The following LSS variants were observed in gnomAD, a reference collection of about 807,000 sequenced individuals.
LSS encodes the protein 2,3-epoxysqualene-lanosterol cyclase.
A neutral mutation model predicts 110.3 loss-of-function variants in LSS; 90 were observed. The ratio of observed to expected loss-of-function variants is 0.82; its 90% confidence interval spans 0.69 to 0.97. The LOEUF (loss-of-function observed/expected upper bound fraction) is 0.97, where lower values mean the gene tolerates loss of function less well. Among genes scored for constraint, LSS ranks in the 50% least tolerant of loss-of-function variants. The probability of loss-of-function intolerance (pLI) is 0.00; values close to 1 mark genes in which losing one functional copy is unlikely to be tolerated. For synonymous variants in LSS, 433 were observed against 400.0 expected, an observed-to-expected ratio of 1.08 and a Z score of -0.98; for missense variants, 927 against 990.0, an observed-to-expected ratio of 0.94 and a Z score of 0.85.
intron 5 of LSS, 110 bp downstream of exon 5, chr21:46,221,744 C>T (rs1601448141): frequency 6.7e-7 from 1 of 1,495,282 alleles, no homozygotes; most frequent in South Asian, 1.2e-5. Flanking sequence ...TGCTCATGTG[C>T]TTTTGCCCAC....
At chr21:46,203,120 A>G (rs1227801750) in intron 17 of LSS, among the ~76,000 whole-genome samples, 2 of 152,244 alleles carry the variant, frequency 1.3e-5, no homozygotes, top group African/African-American at 4.8e-5. Context: ...TCACCAGGCC[A>G]GGTCAGACAG....
In LSS at chr21:46,216,243, G is replaced by C; in HGVS notation, c.783+146C>G. On this transcript the variant is annotated intron_variant, in intron 7 of 21. Coordinates refer to ENST00000397728, the MANE Select transcript of LSS (RefSeq NM_002340.6). The surrounding 1 kb of genome is among the most constrained non-coding windows in gnomAD (Gnocchi z 4.2). ...CTTGCTCACTGTTTATTATAGGATG[G>C]AGGAAGGTGGAGGCTCTGCTCCACA... 1.1e-6 allele frequency: 1 copy of C among 948,862 alleles called. No individual in the cohort carries two copies. The highest frequency in any genetic ancestry group is 1.6e-6 in the Non-Finnish European group (1 of 615,024). The allele number at this position is 948,862 out of a possible 1,614,324, so 58.8% of individuals were successfully genotyped here. A position where few individuals can be genotyped will look rare whatever the true frequency, so the allele number is the denominator to read the frequency against.
In LSS at chr21:46,206,754, T is replaced by G; in HGVS notation, c.1482A>C (p.Arg494Ser). The G allele has an allele frequency of 6.2e-7, 1 of 1,611,916 alleles. No individual in the cohort carries two copies. Among genetic ancestry groups the G allele is most frequent in the African/African-American group, 1.3e-5 (1 of 75,012 alleles). ...AGGTGGCGAACCCTCCATCTGGATT[T>G]CTCATGTTCAGCAGCTGAAATCACA... The part of the protein sequence containing the change: ...CDAVAVLLNM[R>S]NPDGGFATYE... The change falls in exon 16 of 22, where the codon AGA (arginine) becomes AGC (serine). Residue 494 changes from arginine (R) to serine (S), a missense_variant. Arg to Ser is a moderately radical substitution (Grantham distance 110, BLOSUM62 -1). Transcript: ENST00000397728.
Position 46,189,252 on chromosome 21 carries a change from T to C in LSS, c.*1852A>G, listed in dbSNP as rs2079770341. ...AAAACCGTTTTGTACAGTCTGACCA[T>C]GGCTAGGAGTCCCAGGGACAGCAGC... On this transcript the variant is annotated 3_prime_UTR_variant, in exon 22 of 22. Transcript: ENST00000397728. The C allele has an allele frequency of 2.2e-5, 5 of 225,976 alleles. No individual in the cohort carries two copies. The South Asian group carries it at 3.0e-4, about 14-fold the overall frequency. The allele number at this position is 225,976 out of a possible 1,614,324, so 14.0% of individuals were successfully genotyped here.
At chr21:46,225,864 G>A (rs1167202440) in intron 3 of LSS, among the ~76,000 whole-genome samples, 1 of 152,004 alleles carries the variant, frequency 6.6e-6, no homozygotes, top group Non-Finnish European at 1.5e-5. Flanking sequence ...TATCAGCGCA[G>A]CCTGGCATTC....
chr21:46,202,120 C>G (rs964992205), intron 17 of LSS, among the ~76,000 whole-genome samples: 4 of 135,952 alleles, frequency 2.9e-5, no homozygotes, highest in African/African-American at 1.1e-4. Flanking sequence ...ATAGGCCGGG[C>G]GCGGTGGCTC....
intron 17 of LSS, among the ~76,000 whole-genome samples, chr21:46,204,879 C>T (rs1490224423): frequency 6.6e-6 from 1 of 152,108 alleles, no homozygotes; most frequent in Non-Finnish European, 1.5e-5. Flanking sequence ...TATAGACCAG[C>T]GTCTCTTGTA....
intron 13 of LSS, among the ~76,000 whole-genome samples, chr21:46,208,777 GGCAGGA>G (rs1211369006): frequency 3.3e-5 from 5 of 152,190 alleles, no homozygotes; most frequent in African/African-American, 4.8e-5. Flanking sequence ...CTGGGCAGGA[GGCAGGA>G]GCAGGAGCAG....
chr21:46,207,337 G>A, intron 15 of LSS, 91 bp downstream of exon 15: 1 of 1,482,468 alleles, frequency 6.7e-7, no homozygotes, highest in Non-Finnish European at 9.2e-7. Flanking sequence ...CGGACTGTGT[G>A]CTGGGCTGGA....
chr21:46,222,380 A>G lies in LSS; in HGVS notation c.428+250T>C. 2 of 559,012 alleles carry G rather than the reference A, an allele frequency of 3.6e-6. 1 individual carries two copies. Among genetic ancestry groups the G allele is most frequent in the South Asian group, 4.5e-5 (2 of 44,444 alleles). The allele number at this position is 559,012 out of a possible 1,614,324, so 34.6% of individuals were successfully genotyped here. A position where few individuals can be genotyped will look rare whatever the true frequency, so the allele number is the denominator to read the frequency against. On this transcript the variant is annotated intron_variant, in intron 4 of 21. Transcript: ENST00000397728. ...CTGCCTTAAGTGATAACAGACTGAC[A>G]GTTTTCACATGTGGGTCTCAAGAGT...
chr21:46,201,837 G>A (rs117393766), intron 17 of LSS, among the ~76,000 whole-genome samples: 5,903 of 145,492 alleles, frequency 0.041, 159 homozygotes, highest in Non-Finnish European at 0.062. Context: ...TTGCACTCTC[G>A]CCTAGGCTGG....
chr21:46,206,828 G>T, intron 15 of LSS, 60 bp from the exon 16 acceptor site: 1 of 1,266,100 alleles, frequency 7.9e-7, no homozygotes, highest in Non-Finnish European at 1.1e-6. Context: ...CAGGCGCCCA[G>T]GGCACAGCGG....
rs1202346304 is a variant in LSS at position 46,190,850 on chromosome 21, C to T, written c.*254G>A. ...AGGCGCTGTGCCTCCTCAGGGGTCA[C>T]GGCTCCTGTGCCCCCTTCCTCACCC... On this transcript the variant is annotated 3_prime_UTR_variant, in exon 22 of 22. Transcript: ENST00000397728. This position sits in a 1 kb window ranked among gnomAD's most constrained non-coding sequence, Gnocchi z 4.6. 9 of 510,026 alleles carry T rather than the reference C, an allele frequency of 1.8e-5. 1 individual carries two copies. The highest frequency in any genetic ancestry group is 6.6e-5 in the African/African-American group (3 of 45,674). The allele number at this position is 510,026 out of a possible 1,614,324, so 31.6% of individuals were successfully genotyped here. A position where few individuals can be genotyped will look rare whatever the true frequency, so the allele number is the denominator to read the frequency against.
intron 11 of LSS, among the ~76,000 whole-genome samples, chr21:46,211,124 G>C (rs1402079436): frequency 6.6e-6 from 1 of 152,078 alleles, no homozygotes; most frequent in Admixed American, 6.5e-5. Flanking sequence ...GCCTGGAAAT[G>C]ACCCCATTTC....
Position 46,215,287 on chromosome 21 carries a change from G to A in LSS, c.904C>T (p.Leu302=). The change falls in exon 9 of 22, where the codon CTG becomes TTG. Residue 302 remains leucine (L), a synonymous_variant. Transcript: ENST00000397728. ...LLRVVYALLN[L]YEHHHSAHLR... is the part of the protein sequence containing the mutation. ...TGGGCACTGTGGTGGTGCTCATACA[G>A]GTTGAGGAGCGCTACAGGGGACAGG... 1 of 1,607,918 alleles carries A rather than the reference G, an allele frequency of 6.2e-7. No individual in the cohort carries two copies. The highest frequency in any genetic ancestry group is 1.3e-5 in the African/African-American group (1 of 74,966).
At chr21:46,222,764 A>G (rs2080293707) in intron 3 of LSS, 26 bp from the exon 4 acceptor site, 1 of 1,572,298 alleles carries the variant, frequency 6.4e-7, no homozygotes, top group South Asian at 1.1e-5. Flanking sequence ...GATGTTCCTC[A>G]CTGGGGACAG....
At chr21:46,218,259 G>A (rs972080682) in intron 6 of LSS, among the ~76,000 whole-genome samples, 3 of 152,116 alleles carry the variant, frequency 2.0e-5, no homozygotes, top group East Asian at 1.9e-4. Context: ...AATGCATAAC[G>A]GGGTAAACTC....
intron 20 of LSS, chr21:46,192,622 C>G (rs1269081216): frequency 2.7e-6 from 1 of 365,840 alleles, no homozygotes; most frequent in Non-Finnish European, 5.5e-6. Context: ...TGCGATACTG[C>G]GGGTGCATCT....
intron 15 of LSS, among the ~76,000 whole-genome samples, chr21:46,207,194 T>G (rs964687524): frequency 5.9e-5 from 9 of 152,212 alleles, no homozygotes; most frequent in African/African-American, 2.2e-4. Context: ...CAAGTATCGG[T>G]GGCTGGGCTG....
Sources: allele counts gnomAD v4.1 joint callset (sites outside exome capture counted in the v4.1 genomes callset), GRCh38; gene constraint gnomAD v4.1.1; non-coding constraint Gnocchi (gnomAD v3.1); transcripts MANE v1.5; gene names NCBI Gene and HGNC (gene_info 2026-07-23, HGNC 2026-07-21).